The following GGA2 variants were observed in gnomAD, a reference collection of about 807,000 sequenced individuals.
GGA2 encodes ADP-ribosylation factor-binding protein GGA2.
A neutral mutation model predicts 79.5 loss-of-function variants in GGA2; 48 were observed. The ratio of observed to expected loss-of-function variants is 0.60; its 90% CI spans 0.48 to 0.77. GGA2 has a LOEUF of 0.77. Among genes scored for constraint, GGA2 ranks in the 30% least tolerant of loss-of-function variants. The pLI, the probability that GGA2 is intolerant of heterozygous loss-of-function variation, is 0.00. For missense variants in GGA2, 770 were observed against 774.0 expected, an observed-to-expected ratio of 0.99 and a Z score of 0.06; for synonymous variants, 317 against 302.0, an observed-to-expected ratio of 1.05 and a Z score of -0.51.
intron 1 of GGA2, among the ~76,000 whole-genome samples, chr16:23,505,585 C>T (rs758401937): frequency 7.9e-5 from 12 of 152,300 alleles, no homozygotes; most frequent in South Asian, 2.1e-4. Flanking sequence ...ATTCTGGTAA[C>T]GGCTTCCTGA....
intron 8 of GGA2, among the ~76,000 whole-genome samples, chr16:23,485,266 G>T (rs1488494746): frequency 6.6e-6 from 1 of 152,140 alleles, no homozygotes; most frequent in Non-Finnish European, 1.5e-5. Flanking sequence ...ACTGTTAATG[G>T]GTACAAGGTT....
rs1417516276 is a variant in GGA2, at chr16:23,480,704, C to G, written c.947G>C (p.Gly316Ala). 1 of 1,612,902 alleles carries G rather than the reference C, an allele frequency of 6.2e-7. No individual in the cohort carries two copies. Among genetic ancestry groups the G allele is most frequent in the South Asian group, 1.1e-5 (1 of 91,050 alleles). The change falls in exon 10 of 17, where the codon GGC becomes GCC. Residue 316 changes from glycine (G) to alanine (A), a missense_variant. Coordinates refer to ENST00000309859, the MANE Select transcript of GGA2 (RefSeq NM_015044.4). ...CACTCTGTTTCCAAAGGTGACCCGG[C>G]CCTCCATCACCTGTTTGTACAGCAG... ...GVLLYKQVME[G>A]RVTFGNRVTS...
chr16:23,482,942 A>C lies in GGA2; in HGVS notation c.861T>G (p.Thr287=), dbSNP rs138430424. The change falls in exon 9 of 17, where the codon ACT becomes ACG. Residue 287 remains threonine, a synonymous_variant. Transcript: ENST00000309859. ...PTLFRLASDT[T]DDDDALAEIL... ...ACTTACCGAGTGCATCATCGTCATC[A>C]GTGGTGTCACTCGCCAACCGGAACA... 2,140 of 1,608,082 alleles carry C rather than the reference A, an allele frequency of 1.3e-3. 4 individuals are homozygous for C. Among genetic ancestry groups the C allele is most frequent in the Non-Finnish European group, 1.7e-3 (2,009 of 1,174,468 alleles).
At position 23,495,762 on chromosome 16, in the gene GGA2, T is replaced by C. The variant is rs1964847122; in HGVS notation, c.108A>G (p.Pro36=). The C allele has an allele frequency of 6.2e-7, 1 of 1,611,244 alleles. No individual in the cohort carries two copies. Among genetic ancestry groups the C allele is most frequent in the African/African-American group, 1.3e-5 (1 of 74,876 alleles). ...LELWLNKATD[P]SMSEQDWSAI... is the part of the protein sequence containing the mutation. ...CTGACCAATCCTGTTCCGACATGCT[T>C]GGGTCTGTGGCTTTGTCTGTCAAAT... Residue 36 remains proline (P), a synonymous_variant, in exon 2 of 17, where the codon CCA becomes CCG. Transcript: ENST00000309859.
chr16:23,469,075 G>C, intron 15 of GGA2, 79 bp from the exon 16 acceptor site: 4 of 893,318 alleles, frequency 4.5e-6, no homozygotes, highest in Non-Finnish European at 7.4e-6. Flanking sequence ...GGGGGAGCTG[G>C]ACCTCCCCAA....
chr16:23,465,160 T>A lies in GGA2; in HGVS notation c.*2430A>T. The A allele has an allele frequency of 1.7e-6, 1 of 594,320 alleles. No individual in the cohort carries two copies. The highest frequency in any genetic ancestry group is 3.0e-6 in the Non-Finnish European group (1 of 333,556). The allele number at this position is 594,320 out of a possible 1,614,324, so 36.8% of individuals were successfully genotyped here. ...GGGTAGCTGGTCAACAACTAGCTTT[T>A]AAAAAAACAGAGACACGGTCTCACT... On this transcript the variant is annotated 3_prime_UTR_variant, in exon 17 of 17. Coordinates refer to ENST00000309859, the MANE Select transcript of GGA2 (RefSeq NM_015044.4).
At chr16:23,516,450 G>A (rs1264622448) in intron 2 of GGA2, among the ~76,000 whole-genome samples, 5 of 152,036 alleles carry the variant, frequency 3.3e-5, no homozygotes, top group South Asian at 4.1e-4. Context: ...TGGCTTTATC[G>A]TGAAAATAGC....
chr16:23,513,266 G>T (rs757748757), upstream of GGA2, among the ~76,000 whole-genome samples: 19 of 86,032 alleles, frequency 2.2e-4, no homozygotes, highest in Non-Finnish European at 3.4e-4. Context: ...TTGGCATAGC[G>T]AGTACTTTGA....
chr16:23,489,393 C>A (rs1484847593), intron 5 of GGA2, among the ~76,000 whole-genome samples: 1 of 152,180 alleles, frequency 6.6e-6, no homozygotes, highest in Non-Finnish European at 1.5e-5. Context: ...CACCACCACA[C>A]CCAGGTAATT....
At chr16:23,480,335 G>A in intron 10 of GGA2, 1 of 328,040 alleles carries the variant, frequency 3.0e-6, no homozygotes, top group African/African-American at 2.1e-5. Flanking sequence ...CTGGCACTAG[G>A]AACCACTAAG....
intron 11 of GGA2, 85 bp from the exon 12 acceptor site, chr16:23,478,996 G>C (rs1396851237): frequency 3.2e-6 from 3 of 944,954 alleles, no homozygotes; most frequent in Admixed American, 1.7e-5. Context: ...ATCCTTTCTA[G>C]GACATCCAGA....
chr16:23,509,908 CCTT>C (rs1193786346), intron 1 of GGA2, among the ~76,000 whole-genome samples: 2 of 151,934 alleles, frequency 1.3e-5, no homozygotes, highest in African/African-American at 2.4e-5. Context: ...GACTGCGTCT[CCTT>C]AAGCCTCAAG....
intron 3 of GGA2, chr16:23,494,029 G>A: frequency 2.1e-6 from 1 of 477,104 alleles, no homozygotes. Flanking sequence ...ACATGAACTT[G>A]CCAGCCCTGG....
At chr16:23,488,380 T>C (rs528265471) in intron 6 of GGA2, among the ~76,000 whole-genome samples, 2 of 152,260 alleles carry the variant, frequency 1.3e-5, no homozygotes, top group African/African-American at 2.4e-5. Flanking sequence ...CAGGATGCAG[T>C]GTCTGCCTAA....
intron 1 of GGA2, among the ~76,000 whole-genome samples, chr16:23,498,741 T>C (rs1312521493): frequency 6.6e-6 from 1 of 152,210 alleles, no homozygotes; most frequent in Non-Finnish European, 1.5e-5. Context: ...TATGTAGACA[T>C]GTCTTGTCCT....
chr16:23,510,161 G>A (rs1290888502), intron 1 of GGA2, among the ~76,000 whole-genome samples, 160 bp downstream of exon 1: 3 of 151,926 alleles, frequency 2.0e-5, no homozygotes, highest in Admixed American at 6.5e-5. Flanking sequence ...CCTCTCGGGG[G>A]ACCCCTGGGC....
rs1964454307 is a variant in GGA2 at position 23,467,435 on chromosome 16, GA to G, written c.*154del. 1 of 426,504 alleles carries G rather than the reference GA, an allele frequency of 2.3e-6. No individual in the cohort carries two copies. Among genetic ancestry groups the G allele is most frequent in the Admixed American group, 3.3e-5 (1 of 29,928 alleles). The allele number at this position is 426,504 out of a possible 1,614,324, so 26.4% of individuals were successfully genotyped here. The stretch of plus-strand genomic sequence containing the variant: ...ACACACACACACACACACACACACA[GA>G]GCATCTGCAGAATAAGTCAGAGGTT... On this transcript the variant is annotated 3_prime_UTR_variant, in exon 17 of 17. Transcript: ENST00000309859.
intron 1 of GGA2, 60 bp from the exon 2 acceptor site, chr16:23,495,838 C>A: frequency 9.4e-7 from 1 of 1,060,066 alleles, no homozygotes; most frequent in Non-Finnish European, 1.4e-6. Context: ...CACCCCTCCC[C>A]ATACACATGG....
rs901229565 is a variant in GGA2, at chr16:23,463,701, A to T, written c.*3889T>A. 4.6e-5 allele frequency: 7 copies of T among 152,272 alleles called. No individual in the cohort carries two copies. The highest frequency in any genetic ancestry group is 1.4e-4 in the African/African-American group (6 of 41,468). 9.4% of individuals were successfully genotyped at this position (152,272 alleles called of 1,614,324 possible). On this transcript the variant is annotated 3_prime_UTR_variant, in exon 17 of 17. Coordinates refer to ENST00000309859, the MANE Select transcript of GGA2 (RefSeq NM_015044.4). Reference sequence around the variant, plus strand: ...CTTTAAAACAAACTGGGGTCAGGACATGGTGGCTCATGCCTGTAATCCCAG... The same window carrying T: ...CTTTAAAACAAACTGGGGTCAGGACTTGGTGGCTCATGCCTGTAATCCCAG...
Sources: gnomAD v4.1 joint callset for allele counts (sites outside exome capture counted in the v4.1 genomes callset) on GRCh38, gnomAD v4.1.1 for gene constraint, MANE v1.5 for transcripts, NCBI Gene and HGNC (gene_info 2026-07-23, HGNC 2026-07-21) for gene names.